KLF13: variants seen among roughly 807,000 people sequenced by gnomAD.
The protein encoded by KLF13 is KLF transcription factor 13, also known as Krueppel-like factor 13.
KLF13 carries 8 observed loss-of-function variants against 16.7 expected under a neutral mutation model. That is an observed-to-expected ratio of 0.48 (90% confidence interval 0.28 to 0.87). The LOEUF (loss-of-function observed/expected upper bound fraction) is 0.87, where lower values mean the gene tolerates loss of function less well. Among genes scored for constraint, KLF13 ranks in the 40% least tolerant of loss-of-function variants. The pLI, the probability that KLF13 is intolerant of heterozygous loss-of-function variation, is 0.10. For synonymous variants in KLF13, 245 were observed against 208.4 expected (o/e 1.18, Z -1.51); for missense variants, 447 against 452.2 (o/e 0.99, Z 0.10).
At chr15:31,365,962 G>C (rs2039462761) in intron 1 of KLF13, among the ~76,000 whole-genome samples, 1 of 3,034 alleles carries the variant, frequency 3.3e-4, no homozygotes, top group Admixed American at 4.6e-3. Flanking sequence ...GCAGCATGTG[G>C]GACGCTGTGT....
chr15:31,330,252 G>A (rs1163160959), intron 1 of KLF13, among the ~76,000 whole-genome samples: 2 of 152,236 alleles, frequency 1.3e-5, no homozygotes, highest in Non-Finnish European at 2.9e-5. Flanking sequence ...TCCGTGGTTT[G>A]TGGGCCTCTA....
chr15:31,337,208 G>C (rs1391338698), intron 1 of KLF13, among the ~76,000 whole-genome samples: 3 of 152,222 alleles, frequency 2.0e-5, no homozygotes, highest in Non-Finnish European at 2.9e-5. Flanking sequence ...CAGGGACTCA[G>C]ATTCCCTCCA....
chr15:31,399,753 T>G (rs1478277030), intron 2 of KLF13, among the ~76,000 whole-genome samples: 1 of 152,212 alleles, frequency 6.6e-6, no homozygotes, highest in African/African-American at 2.4e-5. Flanking sequence ...CACCAGCCAC[T>G]GGGAGGGAGG....
chr15:31,428,801 T>C (rs1482438348), intron 1 of KLF13, among the ~76,000 whole-genome samples: 9 of 1,660 alleles, frequency 5.4e-3, no homozygotes, highest in Non-Finnish European at 0.01. Context: ...AGACTCTATC[T>C]CAAAAAAAAA....
At chr15:31,366,485 C>A (rs755883804) in intron 1 of KLF13, 2 of 152,340 alleles carry the variant, frequency 1.3e-5, no homozygotes, top group Non-Finnish European at 2.9e-5. Flanking sequence ...GCTAGGAGCT[C>A]CTCTGCAGGA....
chr15:31,332,675 C>T (rs1382570553), intron 1 of KLF13, among the ~76,000 whole-genome samples: 1 of 152,214 alleles, frequency 6.6e-6, no homozygotes, highest in Non-Finnish European at 1.5e-5. Flanking sequence ...AATTCTCAAG[C>T]TTCTGACAGC....
downstream of KLF13, among the ~76,000 whole-genome samples, chr15:31,409,532 A>G (rs894013054): frequency 2.0e-5 from 3 of 151,884 alleles, no homozygotes; most frequent in Non-Finnish European, 4.4e-5. Flanking sequence ...GGAGGAAGAA[A>G]AGGGAGGAAG....
At chr15:31,382,707 G>A (rs981478513), downstream of KLF13, among the ~76,000 whole-genome samples, 2 of 152,208 alleles carry the variant, frequency 1.3e-5, no homozygotes, top group Non-Finnish European at 2.9e-5. Context: ...CCCAGGCACT[G>A]TGAGGTTCAG....
chr15:31,355,213 A>G (rs2039282109), intron 1 of KLF13, among the ~76,000 whole-genome samples: 2 of 152,232 alleles, frequency 1.3e-5, no homozygotes, highest in African/African-American at 4.8e-5. Flanking sequence ...CCAGGTGCTC[A>G]GTAAGTGTCT....
At chr15:31,397,103 T>C (rs576713737) in intron 2 of KLF13, among the ~76,000 whole-genome samples, 2 of 152,046 alleles carry the variant, frequency 1.3e-5, no homozygotes, top group African/African-American at 4.8e-5. Context: ...GTCCAGGTTT[T>C]TCGTTTGACT....
At chr15:31,391,811 GGC>G (rs1401586244), upstream of KLF13, among the ~76,000 whole-genome samples, 1 of 152,142 alleles carries the variant, frequency 6.6e-6, no homozygotes, top group Non-Finnish European at 1.5e-5. Flanking sequence ...GGTTGGGGGA[GGC>G]GGAGCCCGGC....
chr15:31,429,168 T>G (rs532754987), intron 1 of KLF13, among the ~76,000 whole-genome samples: 2 of 148,778 alleles, frequency 1.3e-5, no homozygotes, highest in African/African-American at 2.6e-5. Context: ...AAAGTGACAG[T>G]GCAGAGCAGC....
intron 1 of KLF13, among the ~76,000 whole-genome samples, chr15:31,349,788 C>T (rs1411397717): frequency 1.3e-5 from 2 of 152,206 alleles, no homozygotes; most frequent in Admixed American, 6.5e-5. Flanking sequence ...TCTCCTGGGC[C>T]TGGAGGGCTT....
chr15:31,412,358 C>T (rs1053216617), intron 1 of KLF13, among the ~76,000 whole-genome samples: 1 of 152,036 alleles, frequency 6.6e-6, no homozygotes, highest in African/African-American at 2.4e-5. Flanking sequence ...TGGGCTAAAA[C>T]ACCAGTGTAA....
At position 31,327,939 on chromosome 15, in the gene KLF13, C is replaced by T. The variant is rs925832780; in HGVS notation, c.577+150C>T. The T allele has an allele frequency of 7.3e-5, 69 of 946,622 alleles. 1 individual carries two copies. The South Asian group carries it at 1.6e-3, about 22-fold the overall frequency. The allele number at this position is 946,622 out of a possible 1,614,324, so 58.6% of individuals were successfully genotyped here. A position where few individuals can be genotyped will look rare whatever the true frequency, so the allele number is the denominator to read the frequency against. ...TCGCCCCTTCCCCTGCCGCTCCGAC[C>T]CGCGGCTGGCCCCGCGCGTCGCGCG... On this transcript the variant is annotated intron_variant, in intron 1 of 1. Transcript: ENST00000307145.
chr15:31,329,309 A>T (rs879799755), intron 1 of KLF13, among the ~76,000 whole-genome samples: 27 of 72,122 alleles, frequency 3.7e-4, no homozygotes, highest in East Asian at 8.2e-4. Flanking sequence ...GCTCGGCTCC[A>T]GGTGGATCCT....
At chr15:31,428,957 T>G (rs2040435063) in intron 1 of KLF13, among the ~76,000 whole-genome samples, 1 of 152,162 alleles carries the variant, frequency 6.6e-6, no homozygotes, top group African/African-American at 2.4e-5. Flanking sequence ...GAAACTATCA[T>G]TATTCAGACA....
At chr15:31,415,219 C>A in intron 1 of KLF13, among the ~76,000 whole-genome samples, 1 of 152,128 alleles carries the variant, frequency 6.6e-6, no homozygotes, top group East Asian at 1.9e-4. Context: ...TCTTGTAAAG[C>A]CTGCAGAACC....
At chr15:31,366,899 T>A (rs1228079754) in intron 1 of KLF13, among the ~76,000 whole-genome samples, 1 of 152,270 alleles carries the variant, frequency 6.6e-6, no homozygotes, top group Non-Finnish European at 1.5e-5. Context: ...TAGCACTGTT[T>A]GCCTCATTCT....
Sources: gnomAD v4.1 joint callset for allele counts (sites outside exome capture counted in the v4.1 genomes callset) on GRCh38, gnomAD v4.1.1 for gene constraint, MANE v1.5 for transcripts, NCBI Gene and HGNC (gene_info 2026-07-23, HGNC 2026-07-21) for gene names.